Variants in PCCA observed in about 807,000 individuals in gnomAD.
PCCA encodes propionyl-CoA carboxylase alpha chain, mitochondrial.
A neutral mutation model predicts 101.3 loss-of-function variants in PCCA; 74 were observed. The ratio of observed to expected loss-of-function variants is 0.73; its 90% confidence interval spans 0.61 to 0.89. The LOEUF (loss-of-function observed/expected upper bound fraction) is 0.89, where lower values mean the gene tolerates loss of function less well. Ranked by LOEUF, PCCA falls within the 40% of genes least tolerant of loss-of-function variation. The probability of loss-of-function intolerance (pLI) is 0.00; values close to 1 mark genes in which losing one functional copy is unlikely to be tolerated. For synonymous variants in PCCA, 294 were observed against 313.6 expected, an observed-to-expected ratio of 0.94 and a Z score of 0.66; for missense variants, 891 against 907.0, an observed-to-expected ratio of 0.98 and a Z score of 0.23.
At chr13:100,432,971 TCTTTC>T in intron 20 of PCCA, among the ~76,000 whole-genome samples, 1 of 152,234 alleles carries the variant, frequency 6.6e-6, no homozygotes, top group Non-Finnish European at 1.5e-5. Flanking sequence ...TGACAGGATG[TCTTTC>T]CTTTTTATGG....
intron 6 of PCCA, among the ~76,000 whole-genome samples, chr13:100,176,393 A>C (rs2056241316): frequency 6.6e-6 from 1 of 152,248 alleles, no homozygotes; most frequent in Non-Finnish European, 1.5e-5. Context: ...TTTTAGAAGA[A>C]AATGTTATAA....
intron 16 of PCCA, among the ~76,000 whole-genome samples, chr13:100,330,221 G>T (rs2069343569): frequency 6.6e-6 from 1 of 152,168 alleles, no homozygotes; most frequent in Non-Finnish European, 1.5e-5. Context: ...TTGAGAAAAA[G>T]GAGCTGATGT....
intron 7 of PCCA, among the ~76,000 whole-genome samples, chr13:100,218,182 T>A (rs2059624971): frequency 6.6e-6 from 1 of 152,060 alleles, no homozygotes; most frequent in African/African-American, 2.4e-5. Context: ...GCTTATATAT[T>A]TGTTTGTTTT....
At chr13:100,441,295 T>A (rs899090263) in intron 20 of PCCA, among the ~76,000 whole-genome samples, 1 of 152,040 alleles carries the variant, frequency 6.6e-6, no homozygotes, top group African/African-American at 2.4e-5. Context: ...ATAAGACAAA[T>A]CCCACAGTAA....
chr13:100,348,909 C>CCTTT lies in PCCA; in HGVS notation c.1643+8655_1643+8658dup, dbSNP rs1414700313. On this transcript the variant is annotated intron_variant, in intron 18 of 23. Coordinates refer to ENST00000376285, the MANE Select transcript of PCCA (RefSeq NM_000282.4). Reference sequence around the variant, plus strand: ...TCTTTCTTTCCTTCCTTCCTTCCTTCCTTTCTTTTCTTTTCTTTTCTTTTC... The same window carrying CCTTT: ...TCTTTCTTTCCTTCCTTCCTTCCTTCCTTTCTTTCTTTTCTTTTCTTTTCTTTTC... Among the ~76,000 whole-genome samples, 254 of 73,786 alleles carry CCTTT rather than the reference C, an allele frequency of 3.4e-3. 11 individuals carry two copies. Among genetic ancestry groups the CCTTT allele is most frequent in the Non-Finnish European group, 5.9e-3 (213 of 35,810 alleles). The allele number at this position is 73,786 out of a possible 152,430, so 48.4% of individuals were successfully genotyped here.
chr13:100,147,756 A>C (rs1377730067), intron 4 of PCCA, among the ~76,000 whole-genome samples: 1 of 152,018 alleles, frequency 6.6e-6, no homozygotes, highest in Non-Finnish European at 1.5e-5. Flanking sequence ...AACTTGTCAT[A>C]GTTTTTCTTA....
intron 19 of PCCA, among the ~76,000 whole-genome samples, chr13:100,405,880 C>T (rs1421456224): frequency 6.7e-6 from 1 of 149,766 alleles, no homozygotes; most frequent in Non-Finnish European, 1.5e-5. Flanking sequence ...GATTCTCCTG[C>T]CTCAGCCTCC....
rs534155567 is a variant in PCCA at position 100,326,911 on chromosome 13, T to A, written c.1430-3650T>A. Among the ~76,000 whole-genome samples the A allele has an allele frequency of 2.0e-5, 3 of 152,218 alleles. No homozygotes were observed. In the South Asian group the frequency reaches 6.2e-4, roughly 32 times the overall value. ...ACAGTATGTTATTAGTATTTACTTTTTTGTAGCATCAAAAGTTATATATGG... is the reference window on the plus strand; with the variant it reads ...ACAGTATGTTATTAGTATTTACTTTATTGTAGCATCAAAAGTTATATATGG... On this transcript the variant is annotated intron_variant, in intron 16 of 23. Coordinates refer to ENST00000376285, the MANE Select transcript of PCCA (RefSeq NM_000282.4).
intron 7 of PCCA, among the ~76,000 whole-genome samples, chr13:100,215,751 C>T (rs2059472053): frequency 6.6e-6 from 1 of 152,004 alleles, no homozygotes; most frequent in Admixed American, 6.6e-5. Flanking sequence ...GCAATTCTCC[C>T]ACCTCAGCCT....
At chr13:100,119,906 T>C (rs1380396631) in intron 4 of PCCA, among the ~76,000 whole-genome samples, 1 of 152,108 alleles carries the variant, frequency 6.6e-6, no homozygotes, top group Non-Finnish European at 1.5e-5. Flanking sequence ...AGTTTTGCTC[T>C]TGTTGTCCAG....
At chr13:100,449,782 G>A (rs1049538545) in intron 21 of PCCA, among the ~76,000 whole-genome samples, 2 of 152,114 alleles carry the variant, frequency 1.3e-5, no homozygotes, top group African/African-American at 4.8e-5. Flanking sequence ...AGCCATGTCC[G>A]GCCTGGAATT....
At chr13:100,111,382 C>T (rs1264362512) in intron 2 of PCCA, among the ~76,000 whole-genome samples, 4 of 151,760 alleles carry the variant, frequency 2.6e-5, no homozygotes, top group Non-Finnish European at 5.9e-5. Context: ...AGGCTGGTCT[C>T]GAGCTCCTGA....
At chr13:100,504,817 C>G (rs2085940216) in intron 21 of PCCA, among the ~76,000 whole-genome samples, 3 of 152,118 alleles carry the variant, frequency 2.0e-5, no homozygotes, top group Non-Finnish European at 4.4e-5. Context: ...CCTGTAGTCC[C>G]AACTACTCGG....
At chr13:100,446,655 C>G (rs1255344179) in intron 20 of PCCA, among the ~76,000 whole-genome samples, 1 of 152,148 alleles carries the variant, frequency 6.6e-6, no homozygotes, top group African/African-American at 2.4e-5. Flanking sequence ...CTGAGTCTCC[C>G]TAAGACACAG....
chr13:100,496,035 A>G (rs2085251950), intron 21 of PCCA, among the ~76,000 whole-genome samples: 1 of 152,148 alleles, frequency 6.6e-6, no homozygotes, highest in Admixed American at 6.5e-5. Context: ...CTTCTGAACC[A>G]TTTCAGCAAA....
intron 12 of PCCA, among the ~76,000 whole-genome samples, chr13:100,291,297 C>A (rs2065100484): frequency 1.3e-5 from 2 of 152,028 alleles, no homozygotes; most frequent in Admixed American, 1.3e-4. Context: ...GAAAAGTGTA[C>A]GGGATGATAT....
intron 7 of PCCA, among the ~76,000 whole-genome samples, chr13:100,215,955 A>G (rs1266865962): frequency 6.6e-6 from 1 of 152,104 alleles, no homozygotes; most frequent in Non-Finnish European, 1.5e-5. Context: ...TATACTTTAA[A>G]TCATCTCTAG....
chr13:100,155,984 A>G (rs1282146845), intron 5 of PCCA, among the ~76,000 whole-genome samples: 1 of 152,234 alleles, frequency 6.6e-6, no homozygotes, highest in Non-Finnish European at 1.5e-5. Flanking sequence ...GATAAAATGA[A>G]GTTGGTGGAA....
Position 100,129,994 on chromosome 13 carries a change from CATT to C in PCCA, c.300+17934_300+17936del, listed in dbSNP as rs1163021240. On this transcript the variant is annotated intron_variant, in intron 4 of 23. Coordinates refer to ENST00000376285, the MANE Select transcript of PCCA (RefSeq NM_000282.4). ...AGTTTTCCTTTCTGGGTTTTATTGT[CATT>C]GTTGTACATTTGAAGTAGAGAGAGC... is the stretch of plus-strand genomic sequence containing the variant. Among the ~76,000 whole-genome samples, 9 of 152,244 alleles carry C rather than the reference CATT, an allele frequency of 5.9e-5. No homozygotes were observed. In the East Asian group the frequency reaches 1.2e-3, roughly 20 times the overall value.
Sources: allele counts gnomAD v4.1 joint callset (sites outside exome capture counted in the v4.1 genomes callset), GRCh38; gene constraint gnomAD v4.1.1; transcripts MANE v1.5; gene names NCBI Gene and HGNC (gene_info 2026-07-23, HGNC 2026-07-21).